TTLL11: variants seen among roughly 807,000 people sequenced by gnomAD.
TTLL11 encodes tubulin tyrosine ligase like 11, also known as tubulin polyglutamylase TTLL11.
TTLL11 carries 42 observed loss-of-function variants against 51.7 expected under a neutral mutation model. The observed-to-expected ratio is 0.81, with a 90% CI of 0.64 to 1.05. The LOEUF is 1.05. Ranked by LOEUF, TTLL11 falls within the 50% of genes least tolerant of loss-of-function variation. The pLI is 0.00. For missense variants in TTLL11, 799 were observed against 940.4 expected (o/e 0.85, Z 1.97); for synonymous variants, 381 against 383.5 (o/e 0.99, Z 0.08).
At chr9:121,875,859 G>A (rs987991882) in intron 6 of TTLL11, among the ~76,000 whole-genome samples, 2 of 152,078 alleles carry the variant, frequency 1.3e-5, no homozygotes, top group African/African-American at 4.8e-5. Context: ...AAAGAGTTCT[G>A]GAATGTTTTA....
At chr9:121,847,512 G>C (rs929321237) in intron 8 of TTLL11, among the ~76,000 whole-genome samples, 1 of 152,018 alleles carries the variant, frequency 6.6e-6, no homozygotes, top group African/African-American at 2.4e-5. Context: ...GGAAAATAAA[G>C]AAATATTACA....
At chr9:121,829,912 C>A (rs1474062627) in intron 8 of TTLL11, among the ~76,000 whole-genome samples, 1 of 152,024 alleles carries the variant, frequency 6.6e-6, no homozygotes, top group East Asian at 1.9e-4. Context: ...GAGTTAATCA[C>A]CCTTCATGGT....
intron 6 of TTLL11, among the ~76,000 whole-genome samples, chr9:121,967,163 T>C (rs1842419758): frequency 6.6e-6 from 1 of 151,264 alleles, no homozygotes; most frequent in Non-Finnish European, 1.5e-5. Context: ...GTCTATTGTC[T>C]TGCCAGGACA....
chr9:122,013,934 A>G (rs1843890500), intron 3 of TTLL11, among the ~76,000 whole-genome samples: 1 of 152,236 alleles, frequency 6.6e-6, no homozygotes, highest in African/African-American at 2.4e-5. Flanking sequence ...GAATCACAAA[A>G]AATTAGAAGA....
At chr9:121,826,184 CTATATA>C (rs1166211047) in intron 8 of TTLL11, among the ~76,000 whole-genome samples, 585 of 51,124 alleles carry the variant, frequency 0.011, 65 homozygotes, top group African/African-American at 0.048. Flanking sequence ...AACCAGTAAC[CTATATA>C]TATATATATA....
intron 3 of TTLL11, among the ~76,000 whole-genome samples, chr9:122,024,323 A>G (rs1378098253): frequency 6.6e-6 from 1 of 152,194 alleles, no homozygotes; most frequent in East Asian, 1.9e-4. Flanking sequence ...ACACCATGTC[A>G]ATGGGTCAGA....
intron 6 of TTLL11, among the ~76,000 whole-genome samples, chr9:121,958,516 A>T (rs965440751): frequency 6.6e-6 from 1 of 152,112 alleles, no homozygotes; most frequent in Admixed American, 6.5e-5. Flanking sequence ...ACCCACTCCT[A>T]ATCAGGCTTC....
At chr9:121,963,376 T>C (rs1842299889) in intron 6 of TTLL11, among the ~76,000 whole-genome samples, 1 of 152,210 alleles carries the variant, frequency 6.6e-6, no homozygotes. Flanking sequence ...ATGTGCTGTG[T>C]TCTGGGCTAA....
intron 6 of TTLL11, among the ~76,000 whole-genome samples, chr9:121,967,425 A>C (rs974053286): frequency 6.6e-6 from 1 of 151,914 alleles, no homozygotes; most frequent in Non-Finnish European, 1.5e-5. Flanking sequence ...GGGTTTCACC[A>C]TGTTGGCCAG....
chr9:121,953,729 C>A (rs1248351186), intron 6 of TTLL11, among the ~76,000 whole-genome samples: 4 of 151,844 alleles, frequency 2.6e-5, no homozygotes, highest in African/African-American at 9.7e-5. Flanking sequence ...CAACCCCTCC[C>A]CCAAAAAATC....
chr9:122,014,288 C>A (rs565811628), intron 3 of TTLL11, among the ~76,000 whole-genome samples: 2 of 152,098 alleles, frequency 1.3e-5, no homozygotes, highest in Non-Finnish European at 2.9e-5. Context: ...TTGCTCGAAC[C>A]CAGGAGGCAG....
At chr9:122,075,468 G>A (rs1845837660) in intron 1 of TTLL11, among the ~76,000 whole-genome samples, 1 of 152,146 alleles carries the variant, frequency 6.6e-6, no homozygotes, top group African/African-American at 2.4e-5. Flanking sequence ...TAGAATAACA[G>A]TTCTTAGTGA....
At chr9:122,065,225 C>T (rs1215226540) in intron 1 of TTLL11, among the ~76,000 whole-genome samples, 1 of 152,170 alleles carries the variant, frequency 6.6e-6, no homozygotes, top group Non-Finnish European at 1.5e-5. Flanking sequence ...CCAAAACAAT[C>T]GTTTACTTAA....
At chr9:121,969,827 T>C (rs1371363096) in intron 6 of TTLL11, among the ~76,000 whole-genome samples, 1 of 152,206 alleles carries the variant, frequency 6.6e-6, no homozygotes, top group Non-Finnish European at 1.5e-5. Context: ...GATTCAGCAC[T>C]ACAACACTGT....
rs919024435 is a variant in TTLL11 at position 121,989,542 on chromosome 9, C to G, written c.922G>C (p.Asp308His). The G allele has an allele frequency of 6.2e-7, 1 of 1,613,952 alleles. No individual in the cohort carries two copies. The highest frequency in any genetic ancestry group is 1.3e-5 in the African/African-American group (1 of 74,898). Residue 308 changes from aspartate to histidine, a missense_variant, in exon 4 of 9, where the codon GAC becomes CAC. Asp to His is a moderately conservative substitution (Grantham distance 81, BLOSUM62 -1). Transcript: ENST00000321582. The surrounding 1 kb of genome is among the most constrained non-coding windows in gnomAD (Gnocchi z 4.2). ...IRLYVLLKSLDPLEIYIAKDG... is the reference protein window; with the variant it reads ...IRLYVLLKSLHPLEIYIAKDG... ...TTGGCTATATAAATCTCTAAGGGGT[C>G]TAAGGACTTGAGTAAGACATACAGA...
intron 7 of TTLL11, among the ~76,000 whole-genome samples, chr9:121,869,439 AG>A (rs1185126101): frequency 6.6e-6 from 1 of 152,222 alleles, no homozygotes; most frequent in Middle Eastern, 3.2e-3. Flanking sequence ...GAGTGCTAGC[AG>A]ACATCCTCCT....
chr9:121,895,894 G>C (rs1174857616), intron 6 of TTLL11, among the ~76,000 whole-genome samples: 1 of 64,192 alleles, frequency 1.6e-5, no homozygotes, highest in East Asian at 5.3e-4. Context: ...CATTGTATCT[G>C]TGTGTGTCCC....
intron 6 of TTLL11, among the ~76,000 whole-genome samples, chr9:121,923,031 T>A (rs573873465): frequency 3.9e-5 from 6 of 152,342 alleles, no homozygotes; most frequent in Middle Eastern, 3.4e-3. Flanking sequence ...GGGGCACGCA[T>A]GGGCATTAAA....
rs566647598 is a variant in TTLL11 at position 122,003,754 on chromosome 9, G to A, written c.694-13984C>T. Among the ~76,000 whole-genome samples, 75 of 150,432 alleles carry A rather than the reference G, an allele frequency of 5.0e-4. No individual in the cohort carries two copies. The Middle Eastern group carries it at 0.01, about 20-fold the overall frequency. The stretch of plus-strand genomic sequence containing the variant: ...CCCGCCTCAGCCTCCCAAAGCGCTG[G>A]GATTACAGGCATGAGCCACCGCACC... On this transcript the variant is annotated intron_variant, in intron 3 of 8. Transcript: ENST00000321582.
Sources: allele counts gnomAD v4.1 joint callset (sites outside exome capture counted in the v4.1 genomes callset), GRCh38; gene constraint gnomAD v4.1.1; non-coding constraint Gnocchi (gnomAD v3.1); transcripts MANE v1.5; gene names NCBI Gene and HGNC (gene_info 2026-07-23, HGNC 2026-07-21).